The following AGAP3 variants were observed in gnomAD, a reference collection of about 807,000 sequenced individuals.
The protein encoded by AGAP3 is arf-GAP with GTPase, ANK repeat and PH domain-containing protein 3.
In AGAP3, 24 loss-of-function variants were observed where a neutral mutation model predicts 96.9. That is an observed-to-expected ratio of 0.25 (90% CI 0.18 to 0.35). The LOEUF is 0.35. AGAP3 is among the 10% of genes least tolerant of loss of function. AGAP3 has a pLI of 1.00. For synonymous variants in AGAP3, 563 were observed against 536.1 expected (o/e 1.05, Z -0.69); for missense variants, 876 against 1,254.2 (o/e 0.70, Z 4.55).
intron 5 of AGAP3, 195 bp downstream of exon 5, chr7:151,117,972 C>G: frequency 1.1e-6 from 1 of 894,538 alleles, no homozygotes; most frequent in Non-Finnish European, 1.7e-6. Flanking sequence ...GTCCCTGTGA[C>G]TAGCAGGTCT....
rs1481310387 is a variant in AGAP3 at position 151,141,100 on chromosome 7, A to G, written c.1805-798A>G. On this transcript the variant is annotated intron_variant, in intron 13 of 17. Coordinates refer to ENST00000397238, the MANE Select transcript of AGAP3 (RefSeq NM_031946.7). The surrounding 1 kb of genome is among the most constrained non-coding windows in gnomAD (Gnocchi z 4.2). ...TTCACCCTGGGGCCTTACCACAGGC[A>G]CCTGTGCTGTCTTTCCAGCCCCCAG... 6.6e-6 allele frequency: 1 copy of G among 152,066 alleles called. No individual in the cohort carries two copies. Among genetic ancestry groups the G allele is most frequent in the East Asian group, 1.9e-4 (1 of 5,186 alleles). 9.4% of individuals were successfully genotyped at this position (152,066 alleles called of 1,614,324 possible).
Position 151,114,769 on chromosome 7 carries a change from GC to G in AGAP3, c.332-2023del. ...CCTGGCCCGCGCCCGCCGGCCCTGA[GC>G]ATGGAGCGGGGCTGGCCGCAGGGGG... On this transcript the variant is annotated intron_variant, in intron 1 of 17. Transcript: ENST00000397238. This position sits in a 1 kb window ranked among gnomAD's most constrained non-coding sequence, Gnocchi z 4.4. The G allele has an allele frequency of 9.8e-7, 1 of 1,023,362 alleles. No individual in the cohort carries two copies. Among genetic ancestry groups the G allele is most frequent in the Non-Finnish European group, 1.2e-6 (1 of 856,214 alleles). The allele number at this position is 1,023,362 out of a possible 1,614,324, so 63.4% of individuals were successfully genotyped here.
intron 1 of AGAP3, among the ~76,000 whole-genome samples, chr7:151,093,585 C>T (rs916177268): frequency 3.3e-5 from 5 of 152,176 alleles, no homozygotes; most frequent in African/African-American, 1.2e-4. Flanking sequence ...GGTGAGCAGT[C>T]GGATGTGCAT....
In AGAP3 at chr7:151,096,017, T is replaced by G. The variant is rs1798591632; in HGVS notation, c.331+8945T>G. Among the ~76,000 whole-genome samples the G allele has an allele frequency of 6.6e-6, 1 of 152,216 alleles. No individual in the cohort carries two copies. The highest frequency in any genetic ancestry group is 1.5e-5 in the Non-Finnish European group (1 of 68,044). ...GCTGTGTGACCTCGGGTGAGTTCCT[T>G]AACCCCTCTGTGTCTTAGCTTCGCC... On this transcript the variant is annotated intron_variant, in intron 1 of 17. Transcript: ENST00000397238. The surrounding 1 kb of genome is among the most constrained non-coding windows in gnomAD (Gnocchi z 4.4).
chr7:151,134,251 G>GATCATT lies in AGAP3; in HGVS notation c.1327-148_1327-147insTCATTA. The GATCATT allele has an allele frequency of 7.2e-6, 5 of 690,236 alleles. No individual in the cohort carries two copies. The South Asian group carries it at 8.5e-5, about 12-fold the overall frequency. The allele number at this position is 690,236 out of a possible 1,614,324, so 42.8% of individuals were successfully genotyped here. A position where few individuals can be genotyped will look rare whatever the true frequency, so the allele number is the denominator to read the frequency against. Reference sequence around the variant, plus strand: ...GAGATCGAGGTGGAATCCAGACTCGGAGACATTCTGTGGCTTAGAATCCTG... The same window carrying GATCATT: ...GAGATCGAGGTGGAATCCAGACTCGGATCATTAGACATTCTGTGGCTTAGAATCCTG... On this transcript the variant is annotated intron_variant, in intron 10 of 17. Coordinates refer to ENST00000397238, the MANE Select transcript of AGAP3 (RefSeq NM_031946.7).
At position 151,120,125 on chromosome 7, in the gene AGAP3, C is replaced by A; in HGVS notation, c.1108C>A (p.Arg370=). 6.2e-7 allele frequency: 1 copy of A among 1,611,854 alleles called. No homozygotes were observed. The highest frequency in any genetic ancestry group is 8.5e-7 in the Non-Finnish European group (1 of 1,178,802). The change falls in exon 8 of 18, where the codon CGG becomes AGG. Residue 370 remains arginine (R), a synonymous_variant. Coordinates refer to ENST00000397238, the MANE Select transcript of AGAP3 (RefSeq NM_031946.7). ...CACACCCATCCGAAAGCAGTCCAAG[C>A]GGCGCTCCAACATCTTCACGGTACG... The part of the protein sequence containing the change: ...TPTPIRKQSK[R]RSNIFTSRKG...
chr7:151,142,481 T>C lies in AGAP3; in HGVS notation c.2120T>C (p.Leu707Pro), dbSNP rs1159983841. Residue 707 changes from leucine (L) to proline (P), a missense_variant, in exon 16 of 18, where the codon CTG becomes CCG. Physicochemically the swap from Leu to Pro is moderately conservative, Grantham distance 98. Transcript: ENST00000397238. The surrounding 1 kb of genome is among the most constrained non-coding windows in gnomAD (Gnocchi z 7.5). Reference protein sequence around the residue: ...CIECSGIHRHLGAHLSRVRSL... With the variant: ...CIECSGIHRHPGAHLSRVRSL... ...GAGTGCTCAGGCATCCACCGACACC[T>C]GGGGGCTCACCTGTCCCGGGTGCGC... 1 of 1,613,924 alleles carries C rather than the reference T, an allele frequency of 6.2e-7. No individual in the cohort carries two copies. The highest frequency in any genetic ancestry group is 2.2e-5 in the East Asian group (1 of 44,862).
At chr7:151,106,520 C>G (rs559829721) in intron 1 of AGAP3, among the ~76,000 whole-genome samples, 1 of 152,060 alleles carries the variant, frequency 6.6e-6, no homozygotes, top group South Asian at 2.1e-4. Flanking sequence ...CACTGTCACC[C>G]AGGCTGGAGT....
chr7:151,090,237 G>A (rs1031567478), intron 1 of AGAP3: 3 of 43,412 alleles, frequency 6.9e-5, no homozygotes, highest in Admixed American at 5.7e-4. Flanking sequence ...GTTCCCAGAT[G>A]GGGGGGGGGG....
At position 151,142,767 on chromosome 7, in the gene AGAP3, C is replaced by T. The variant is rs987780836; in HGVS notation, c.2273+133C>T. 3.8e-5 allele frequency: 38 copies of T among 991,006 alleles called. No individual in the cohort carries two copies. The African/African-American group carries it at 5.5e-4, about 14-fold the overall frequency. The allele number at this position is 991,006 out of a possible 1,614,324, so 61.4% of individuals were successfully genotyped here. On this transcript the variant is annotated intron_variant, in intron 16 of 17. Coordinates refer to ENST00000397238, the MANE Select transcript of AGAP3 (RefSeq NM_031946.7). This position sits in a 1 kb window ranked among gnomAD's most constrained non-coding sequence, Gnocchi z 7.5. ...TCTGTTGCTCTGCTTGGCAGTTGGC[C>T]CCTTGGGGGTGCCCCTCCTGCTCTG...
intron 1 of AGAP3, among the ~76,000 whole-genome samples, chr7:151,105,792 C>CCACACACACACACACACACA (rs60071807): frequency 1.7e-3 from 45 of 26,922 alleles, no homozygotes; most frequent in African/African-American, 6.6e-3. Flanking sequence ...CCCCCCGACA[C>CCACACACACACACACACACA]CACACACACA....
At chr7:151,115,352 G>T in intron 1 of AGAP3, 1 of 1,021,386 alleles carries the variant, frequency 9.8e-7, no homozygotes, top group Non-Finnish European at 1.2e-6. Flanking sequence ...GCTTCCGCCT[G>T]CGCCGCGGCC....
chr7:151,121,418 C>A (rs1450622433), intron 8 of AGAP3, among the ~76,000 whole-genome samples: 1 of 152,132 alleles, frequency 6.6e-6, no homozygotes, highest in Non-Finnish European at 1.5e-5. Context: ...GTCCACGGTG[C>A]CTACTGCCAG....
chr7:151,117,034 G>C, intron 2 of AGAP3, 61 bp from the exon 3 acceptor site: 1 of 1,553,400 alleles, frequency 6.4e-7, no homozygotes, highest in Non-Finnish European at 8.9e-7. Context: ...TGCTTTTCCT[G>C]CTGGGTCTTC....
rs924774731 is a variant in AGAP3, at chr7:151,133,808, G to C, written c.1327-592G>C. 1.3e-5 allele frequency among the ~76,000 whole-genome samples: 2 copies of C among 152,216 alleles called. No individual in the cohort carries two copies. Among genetic ancestry groups the C allele is most frequent in the Non-Finnish European group, 2.9e-5 (2 of 68,042 alleles). On this transcript the variant is annotated intron_variant, in intron 10 of 17. Transcript: ENST00000397238. The surrounding 1 kb of genome is among the most constrained non-coding windows in gnomAD (Gnocchi z 5.4). ...AGGCAGATGACATGACGGCGATGAC[G>C]ATGACTGCCGCCAGGGAATTGGTGG...
At chr7:151,105,045 G>C (rs182790744) in intron 1 of AGAP3, among the ~76,000 whole-genome samples, 2 of 152,316 alleles carry the variant, frequency 1.3e-5, no homozygotes, top group East Asian at 1.9e-4. Context: ...TAAGGAGAGG[G>C]AAGAGGGCAT....
chr7:151,086,873 GGGC>G lies in AGAP3; in HGVS notation c.142_144del (p.Gly48del), dbSNP rs1554459022. 6 of 1,231,384 alleles carry G rather than the reference GGGC, an allele frequency of 4.9e-6. No homozygotes were observed. The highest frequency in any genetic ancestry group is 3.4e-5 in the East Asian group (1 of 29,428). 76.3% of individuals were successfully genotyped at this position (1,231,384 alleles called of 1,614,324 possible). A position where few individuals can be genotyped will look rare whatever the true frequency, so the allele number is the denominator to read the frequency against. On this transcript the variant is annotated inframe_deletion, in exon 1 of 18. Transcript: ENST00000397238. ...TCGGCGGCGCGGGGCCCGGGGCCGG[GGGC>G]GGCGGCGGCCCCTCGCAGCAGCTGG...
intron 8 of AGAP3, chr7:151,122,604 C>T: frequency 8.9e-7 from 1 of 1,122,196 alleles, no homozygotes; most frequent in Non-Finnish European, 1.3e-6. Flanking sequence ...TCCTCCTCCT[C>T]CTCTTCATCC....
rs144924040 is a variant in AGAP3 at position 151,099,967 on chromosome 7, C to A, written c.331+12895C>A. Among the ~76,000 whole-genome samples, 813 of 152,320 alleles carry A rather than the reference C, an allele frequency of 5.3e-3. 5 individuals are homozygous for A. Among genetic ancestry groups the A allele is most frequent in the African/African-American group, 0.019 (775 of 41,568 alleles). Reference sequence around the variant, plus strand: ...TTCCTGGCTGAGAAACAGGGAGAGCCCCCACCCTGGAAATGAGGTGCTCAT... The same window carrying A: ...TTCCTGGCTGAGAAACAGGGAGAGCACCCACCCTGGAAATGAGGTGCTCAT... On this transcript the variant is annotated intron_variant, in intron 1 of 17. Transcript: ENST00000397238.
Sources: gnomAD v4.1 joint callset for allele counts (sites outside exome capture counted in the v4.1 genomes callset) on GRCh38, gnomAD v4.1.1 for gene constraint, Gnocchi (gnomAD v3.1) non-coding constraint, MANE v1.5 for transcripts, NCBI Gene and HGNC (gene_info 2026-07-23, HGNC 2026-07-21) for gene names.